Variants in CTNNA2 observed in about 807,000 individuals in gnomAD.
The protein encoded by CTNNA2 is catenin alpha 2, also known as catenin alpha-2.
In CTNNA2, 42 loss-of-function variants were observed where a neutral mutation model predicts 101.0. That is an observed-to-expected ratio of 0.42 (90% CI 0.32 to 0.54). The LOEUF is 0.54. Ranked by LOEUF, CTNNA2 falls within the 20% of genes least tolerant of loss-of-function variation. The pLI, the probability that CTNNA2 is intolerant of heterozygous loss-of-function variation, is 0.14. For synonymous variants in CTNNA2, 450 were observed against 456.4 expected (o/e 0.99, Z 0.18); for missense variants, 871 against 1,223.1 (o/e 0.71, Z 4.29).
intron 4 of CTNNA2, among the ~76,000 whole-genome samples, chr2:79,396,949 G>A (rs776070375): frequency 6.6e-6 from 1 of 152,076 alleles, no homozygotes; most frequent in African/African-American, 2.4e-5. Flanking sequence ...GTGTACATCC[G>A]AATCACTGGG....
At chr2:80,227,694 G>C (rs1260324974) in intron 7 of CTNNA2, among the ~76,000 whole-genome samples, 1 of 152,128 alleles carries the variant, frequency 6.6e-6, no homozygotes, top group African/African-American at 2.4e-5. Context: ...GTCCTGCTGT[G>C]GTTTTGCTTC....
intron 2 of CTNNA2, among the ~76,000 whole-genome samples, chr2:79,269,710 G>A (rs756786226): frequency 6.6e-6 from 1 of 152,094 alleles, no homozygotes; most frequent in Non-Finnish European, 1.5e-5. Flanking sequence ...CATCTTCTGG[G>A]CTCCCCTAAG....
chr2:79,618,169 G>A (rs1433203445), intron 1 of CTNNA2, among the ~76,000 whole-genome samples: 1 of 152,220 alleles, frequency 6.6e-6, no homozygotes, highest in African/African-American at 2.4e-5. Flanking sequence ...GGAGGAAGGG[G>A]TGATGCCCTT....
intron 7 of CTNNA2, among the ~76,000 whole-genome samples, chr2:79,952,114 C>G (rs961691057): frequency 6.6e-6 from 1 of 152,200 alleles, no homozygotes; most frequent in African/African-American, 2.4e-5. Context: ...AGGATCCCCA[C>G]CCAACCCTAG....
intron 6 of CTNNA2, among the ~76,000 whole-genome samples, chr2:79,887,213 C>T (rs897440710): frequency 1.1e-4 from 16 of 151,936 alleles, no homozygotes; most frequent in African/African-American, 3.9e-4. Flanking sequence ...GACAGATAAG[C>T]GTGAGAAATT....
At chr2:79,936,156 G>A (rs991607577) in intron 7 of CTNNA2, among the ~76,000 whole-genome samples, 2 of 151,394 alleles carry the variant, frequency 1.3e-5, no homozygotes, top group African/African-American at 2.4e-5. Context: ...AACCATATTC[G>A]TTTGATTCTA....
At chr2:80,539,127 T>G (rs1348822658) in intron 9 of CTNNA2, among the ~76,000 whole-genome samples, 1 of 152,190 alleles carries the variant, frequency 6.6e-6, no homozygotes, top group Non-Finnish European at 1.5e-5. Flanking sequence ...CAAGCAATTC[T>G]TGTACCTCAG....
intron 7 of CTNNA2, among the ~76,000 whole-genome samples, chr2:80,150,220 A>ACT (rs1014936555): frequency 1.3e-5 from 2 of 151,598 alleles, no homozygotes; most frequent in African/African-American, 4.8e-5. Context: ...GTGAGCCCAG[A>ACT]CTCTCTCTCT....
At chr2:79,775,323 C>T (rs961307214) in intron 3 of CTNNA2, among the ~76,000 whole-genome samples, 1 of 152,020 alleles carries the variant, frequency 6.6e-6, no homozygotes, top group Admixed American at 6.6e-5. Context: ...TAACTTTTCC[C>T]TTTAGCAATG....
At chr2:79,486,795 T>C (rs1230795675) in intron 4 of CTNNA2, among the ~76,000 whole-genome samples, 1 of 152,242 alleles carries the variant, frequency 6.6e-6, no homozygotes, top group Non-Finnish European at 1.5e-5. Context: ...TATCTCATTG[T>C]GGTTTTGATT....
At chr2:80,618,403 T>G (rs552598920) in intron 17 of CTNNA2, among the ~76,000 whole-genome samples, 1 of 151,968 alleles carries the variant, frequency 6.6e-6, no homozygotes, top group South Asian at 2.1e-4. Flanking sequence ...ATTGTAACAT[T>G]TTATATTGAA....
At chr2:80,410,376 C>CA (rs1679460420) in intron 8 of CTNNA2, among the ~76,000 whole-genome samples, 1 of 152,194 alleles carries the variant, frequency 6.6e-6, no homozygotes, top group Non-Finnish European at 1.5e-5. Flanking sequence ...CAGTTATTTA[C>CA]ATTGATGAAT....
chr2:80,626,060 C>T (rs1355085820), intron 18 of CTNNA2, among the ~76,000 whole-genome samples: 3 of 151,692 alleles, frequency 2.0e-5, no homozygotes, highest in South Asian at 2.1e-4. Flanking sequence ...TTCATTTGCC[C>T]CCTTATGCAA....
At position 80,302,849 on chromosome 2, in the gene CTNNA2, G is replaced by A. The variant is rs1676486801; in HGVS notation, c.1057-90362G>A. ...GAAGTTGTTGAGCCACGAGGCTAGG[G>A]CACACACGTTGCGCCCGCAATCCCA... On this transcript the variant is annotated intron_variant, in intron 7 of 18. Transcript: ENST00000402739. The surrounding 1 kb of genome is among the most constrained non-coding windows in gnomAD (Gnocchi z 6.4). 3 of 1,614,020 alleles carry A rather than the reference G, an allele frequency of 1.9e-6. No individual in the cohort carries two copies. The South Asian group carries it at 3.3e-5, about 18-fold the overall frequency.
chr2:79,594,598 G>A (rs1421134562), intron 1 of CTNNA2, among the ~76,000 whole-genome samples: 5 of 152,002 alleles, frequency 3.3e-5, no homozygotes, highest in Non-Finnish European at 7.4e-5. Context: ...ATATCTCTCC[G>A]TTTTGATCCT....
intron 7 of CTNNA2, among the ~76,000 whole-genome samples, chr2:80,033,332 A>G (rs1201615846): frequency 6.6e-6 from 1 of 152,000 alleles, no homozygotes; most frequent in Non-Finnish European, 1.5e-5. Flanking sequence ...GGAGACCATG[A>G]TGGGGTTTGA....
chr2:80,404,641 G>A (rs1678895558), intron 8 of CTNNA2, among the ~76,000 whole-genome samples: 2 of 152,112 alleles, frequency 1.3e-5, no homozygotes, highest in Admixed American at 1.3e-4. Flanking sequence ...CTTTGAAAAG[G>A]AGCTATTGAT....
At chr2:80,459,079 C>G (rs918821522) in intron 9 of CTNNA2, among the ~76,000 whole-genome samples, 7 of 152,156 alleles carry the variant, frequency 4.6e-5, no homozygotes, top group Non-Finnish European at 5.9e-5. Context: ...ACATGCTTTA[C>G]AGGTTTATAA....
chr2:80,592,326 C>T (rs1423294632), intron 15 of CTNNA2, among the ~76,000 whole-genome samples: 4 of 152,178 alleles, frequency 2.6e-5, no homozygotes, highest in Non-Finnish European at 4.4e-5. Flanking sequence ...CAGGCCACAT[C>T]TGCTCAGTGA....
Sources: gnomAD v4.1 joint callset for allele counts (sites outside exome capture counted in the v4.1 genomes callset) on GRCh38, gnomAD v4.1.1 for gene constraint, Gnocchi (gnomAD v3.1) non-coding constraint, MANE v1.5 for transcripts, NCBI Gene and HGNC (gene_info 2026-07-23, HGNC 2026-07-21) for gene names.